The following TRAP1 variants were observed in gnomAD, a reference collection of about 807,000 sequenced individuals.
TRAP1 encodes heat shock protein 75 kDa, mitochondrial.
In TRAP1, 102 loss-of-function variants were observed where a neutral mutation model predicts 89.1. The observed-to-expected ratio is 1.15, with a 90% confidence interval of 0.98 to 1.35. TRAP1 has a LOEUF of 1.35. Ranked by LOEUF, TRAP1 falls within the 40% of genes most tolerant of loss-of-function variation. The probability of loss-of-function intolerance (pLI) is 0.00; values close to 1 mark genes in which losing one functional copy is unlikely to be tolerated. For missense variants in TRAP1, 1,256 were observed against 945.3 expected, an observed-to-expected ratio of 1.33 and a Z score of -4.31; for synonymous variants, 508 against 388.0, an observed-to-expected ratio of 1.31 and a Z score of -3.64.
At chr16:3,687,594 G>C (rs72778148) in intron 3 of TRAP1, among the ~76,000 whole-genome samples, 1 of 152,188 alleles carries the variant, frequency 6.6e-6, no homozygotes, top group African/African-American at 2.4e-5. Context: ...TTTAAAATCA[G>C]TGAGAGAGGC....
chr16:3,679,157 G>A (rs1462148157), intron 5 of TRAP1, among the ~76,000 whole-genome samples: 1 of 152,070 alleles, frequency 6.6e-6, no homozygotes, highest in African/African-American at 2.4e-5. Flanking sequence ...CAGGCGTGGT[G>A]GCTCGTGCCT....
At chr16:3,687,993 C>T (rs184686545) in intron 3 of TRAP1, among the ~76,000 whole-genome samples, 3 of 152,166 alleles carry the variant, frequency 2.0e-5, no homozygotes, top group Admixed American at 2.0e-4. Context: ...AGGAATGCAG[C>T]ACTCATCAGT....
chr16:3,677,630 G>T lies in TRAP1; in HGVS notation c.572C>A (p.Ala191Asp). 6.2e-7 allele frequency: 1 copy of T among 1,614,034 alleles called. No individual in the cohort carries two copies. Among genetic ancestry groups the T allele is most frequent in the South Asian group, 1.1e-5 (1 of 91,088 alleles). The change falls in exon 6 of 18, where the codon GCT (alanine) becomes GAT (aspartate). Residue 191 changes from alanine (A) to aspartate (D), a missense_variant. Ala to Asp is a moderately radical substitution (Grantham distance 126). Transcript: ENST00000246957. ...GCCGATGATCTTGCTGCTGGCCTCAGCCTGGTTCTGCAGAGCATCCAGGAA... is the reference window on the plus strand; with the variant it reads ...GCCGATGATCTTGCTGCTGGCCTCATCCTGGTTCTGCAGAGCATCCAGGAA... ...KAFLDALQNQAEASSKIIGQF... is the reference protein window; with the variant it reads ...KAFLDALQNQDEASSKIIGQF...
intron 12 of TRAP1, 106 bp downstream of exon 12, chr16:3,665,865 G>A (rs1042027487): frequency 3.6e-6 from 5 of 1,388,744 alleles, no homozygotes; most frequent in African/African-American, 2.9e-5. Context: ...AGCAGCCAGG[G>A]TACCCAGCTG....
At chr16:3,664,629 G>A in intron 12 of TRAP1, 170 bp from the exon 13 acceptor site, 2 of 664,556 alleles carry the variant, frequency 3.0e-6, no homozygotes, top group Non-Finnish European at 2.4e-6. Context: ...GCCTTGCTCT[G>A]CCCATCAGGC....
chr16:3,713,051 G>C (rs913032492), intron 1 of TRAP1, among the ~76,000 whole-genome samples: 2 of 152,174 alleles, frequency 1.3e-5, no homozygotes, highest in African/African-American at 4.8e-5. Context: ...AGCTTAATCA[G>C]ACGACAAACA....
rs767682121 is a variant in TRAP1, at chr16:3,690,840, T to C, written c.234A>G (p.Thr78=). The change falls in exon 2 of 18, where the codon ACA becomes ACG. Residue 78 remains threonine, a synonymous_variant. Transcript: ENST00000246957. ...AGCCAAGGCTACCCTGCACGCTCTC[T>C]GTGCTGCTGATAATCGAGTGCAGGG... ...EEPLHSIISS[T]ESVQGSTSKH... is the part of the protein sequence containing the mutation. The C allele has an allele frequency of 2.0e-6, 3 of 1,523,020 alleles. No individual in the cohort carries two copies. Among genetic ancestry groups the C allele is most frequent in the Non-Finnish European group, 2.6e-6 (3 of 1,132,824 alleles). 94.3% of individuals were successfully genotyped at this position (1,523,020 alleles called of 1,614,324 possible). A position where few individuals can be genotyped will look rare whatever the true frequency, so the allele number is the denominator to read the frequency against.
rs540844565 is a variant in TRAP1, at chr16:3,688,649, A to C, written c.330+406T>G. ...AGGTCAGTGCCCCCATAGCTGGCTA[A>C]TTTTTTAAATTTTTTGTAGAGACGG... On this transcript the variant is annotated intron_variant, in intron 3 of 17. Coordinates refer to ENST00000246957, the MANE Select transcript of TRAP1 (RefSeq NM_016292.3). Among the ~76,000 whole-genome samples, 3 of 152,016 alleles carry C rather than the reference A, an allele frequency of 2.0e-5. No individual in the cohort carries two copies. In the South Asian group the frequency reaches 6.2e-4, roughly 32 times the overall value.
intron 1 of TRAP1, among the ~76,000 whole-genome samples, chr16:3,701,184 A>C (rs1316189502): frequency 6.6e-6 from 1 of 152,226 alleles, no homozygotes; most frequent in Non-Finnish European, 1.5e-5. Context: ...TTTCAAAATA[A>C]AAAATATTAT....
intron 1 of TRAP1, among the ~76,000 whole-genome samples, chr16:3,693,365 T>C (rs1324938321): frequency 6.6e-6 from 1 of 151,724 alleles, no homozygotes; most frequent in East Asian, 1.9e-4. Context: ...TGTAATTGCA[T>C]TGTTCACTTT....
At chr16:3,660,778 G>A (rs1192569832) in intron 16 of TRAP1, 1 of 152,164 alleles carries the variant, frequency 6.6e-6, no homozygotes, top group African/African-American at 2.4e-5. Context: ...ACAAAAACTG[G>A]CTGGGGGTGG....
intron 11 of TRAP1, among the ~76,000 whole-genome samples, chr16:3,666,443 T>C (rs2050831718): frequency 6.6e-6 from 1 of 152,016 alleles, no homozygotes; most frequent in Non-Finnish European, 1.5e-5. Context: ...TTAGGAAACA[T>C]GTGAGCACAC....
In TRAP1 at chr16:3,677,545, G is replaced by T; in HGVS notation, c.657C>A (p.Ser219=). 3 of 1,614,152 alleles carry T rather than the reference G, an allele frequency of 1.9e-6. No homozygotes were observed. Among genetic ancestry groups the T allele is most frequent in the Non-Finnish European group, 2.5e-6 (3 of 1,180,026 alleles). The change falls in exon 6 of 18, where the codon TCC becomes TCA. Residue 219 remains serine, a synonymous_variant. Coordinates refer to ENST00000246957, the MANE Select transcript of TRAP1 (RefSeq NM_016292.3). ...CCAGGCTCCCCGGGGCTGCCGAGCG[G>T]GAATAGACCTCCACTCTGTCAGCCA... is the stretch of plus-strand genomic sequence containing the variant. ...FMVADRVEVY[S]RSAAPGSLGY...
intron 11 of TRAP1, among the ~76,000 whole-genome samples, chr16:3,668,686 C>T (rs2050870116): frequency 6.6e-6 from 1 of 152,214 alleles, no homozygotes; most frequent in Non-Finnish European, 1.5e-5. Flanking sequence ...ATGAGGACCC[C>T]TGCTCTGCAG....
At chr16:3,713,251 CCAAA>C (rs1235994085) in intron 1 of TRAP1, among the ~76,000 whole-genome samples, 1 of 152,126 alleles carries the variant, frequency 6.6e-6, no homozygotes, top group African/African-American at 2.4e-5. Context: ...AGCACAGGCT[CCAAA>C]CAAAGGGAGA....
At chr16:3,660,939 A>G (rs2043039105) in intron 16 of TRAP1, 1 of 138,252 alleles carries the variant, frequency 7.2e-6, no homozygotes, top group Non-Finnish European at 1.6e-5. Flanking sequence ...TTAAAATACT[A>G]CTTAGGCTAC....
chr16:3,715,679 G>A (rs989910319), intron 1 of TRAP1, among the ~76,000 whole-genome samples: 3 of 152,006 alleles, frequency 2.0e-5, no homozygotes, highest in African/African-American at 4.8e-5. Flanking sequence ...CAGGCACGGT[G>A]ACACACGCCT....
intron 11 of TRAP1, among the ~76,000 whole-genome samples, chr16:3,666,699 T>C (rs186425392): frequency 2.0e-5 from 3 of 152,282 alleles, no homozygotes; most frequent in South Asian, 4.1e-4. Context: ...ACATTCTACA[T>C]GTACATAACA....
intron 3 of TRAP1, 76 bp from the exon 4 acceptor site, chr16:3,686,212 C>G: frequency 2.0e-6 from 3 of 1,509,972 alleles, no homozygotes; most frequent in Non-Finnish European, 2.7e-6. Flanking sequence ...AGCTGCACTT[C>G]CAATAACTGT....
Sources: gnomAD v4.1 joint callset for allele counts (sites outside exome capture counted in the v4.1 genomes callset) on GRCh38, gnomAD v4.1.1 for gene constraint, MANE v1.5 for transcripts, NCBI Gene and HGNC (gene_info 2026-07-23, HGNC 2026-07-21) for gene names.